LHFPL3: variants seen among roughly 807,000 people sequenced by gnomAD.
LHFPL3 encodes LHFPL tetraspan subfamily member 3, also known as LHFPL tetraspan subfamily member 3 protein.
LHFPL3 carries 5 observed loss-of-function variants against 19.3 expected under a neutral mutation model. That is an observed-to-expected ratio of 0.26 (90% CI 0.14 to 0.54). The LOEUF (loss-of-function observed/expected upper bound fraction) is 0.54. LHFPL3 is among the 20% of genes least tolerant of loss of function. The probability of loss-of-function intolerance (pLI) is 0.94; values close to 1 mark genes in which losing one functional copy is unlikely to be tolerated. For synonymous variants in LHFPL3, 133 were observed against 126.2 expected (o/e 1.05, Z -0.36); for missense variants, 249 against 307.4 (o/e 0.81, Z 1.42).
At chr7:104,752,865 T>C (rs1278266615) in intron 2 of LHFPL3, 1 of 363,624 alleles carries the variant, frequency 2.8e-6, no homozygotes, top group Non-Finnish European at 4.9e-6. Context: ...TAAAGAGAGT[T>C]CCCACATACT....
At chr7:104,537,362 A>T (rs1274957428) in intron 1 of LHFPL3, among the ~76,000 whole-genome samples, 3 of 152,246 alleles carry the variant, frequency 2.0e-5, no homozygotes, top group Non-Finnish European at 4.4e-5. Context: ...TGAGATTATC[A>T]GTAGAATATT....
At chr7:104,657,984 C>A (rs1479853485) in intron 1 of LHFPL3, among the ~76,000 whole-genome samples, 1 of 147,248 alleles carries the variant, frequency 6.8e-6, no homozygotes, top group East Asian at 2.0e-4. Flanking sequence ...GATACCAGCA[C>A]AATTATTTTC....
intron 1 of LHFPL3, among the ~76,000 whole-genome samples, chr7:104,337,184 A>G (rs1026787082): frequency 1.3e-5 from 2 of 151,830 alleles, no homozygotes; most frequent in Admixed American, 6.6e-5. Context: ...AAAACAAACA[A>G]ACAACAACAA....
chr7:104,776,666 C>G (rs977871978), intron 2 of LHFPL3, among the ~76,000 whole-genome samples: 1 of 152,190 alleles, frequency 6.6e-6, no homozygotes, highest in Non-Finnish European at 1.5e-5. Flanking sequence ...TTTAAACAAA[C>G]AAGAAGGTGC....
chr7:104,355,335 A>G (rs572560468), intron 1 of LHFPL3, among the ~76,000 whole-genome samples: 11 of 152,148 alleles, frequency 7.2e-5, no homozygotes, highest in Non-Finnish European at 1.0e-4. Context: ...GGTTGTATGC[A>G]TTTCAGATCG....
chr7:104,489,106 G>A (rs1793291309), intron 1 of LHFPL3, among the ~76,000 whole-genome samples: 3 of 33,576 alleles, frequency 8.9e-5, no homozygotes, highest in Admixed American at 7.2e-4. Context: ...TTTTTGAGAC[G>A]GAGTCTCGCT....
chr7:104,409,067 G>T (rs1388888137), intron 1 of LHFPL3, among the ~76,000 whole-genome samples: 2 of 148,946 alleles, frequency 1.3e-5, no homozygotes, highest in African/African-American at 4.9e-5. Flanking sequence ...TAGTAGAGAC[G>T]GGGTTTCACC....
chr7:104,506,224 A>T (rs780289832), intron 1 of LHFPL3, among the ~76,000 whole-genome samples: 3 of 152,128 alleles, frequency 2.0e-5, no homozygotes, highest in African/African-American at 7.2e-5. Flanking sequence ...AACTGATTTT[A>T]TAAGGAAATC....
At chr7:104,868,153 C>G (rs1010868142) in intron 2 of LHFPL3, among the ~76,000 whole-genome samples, 1 of 152,166 alleles carries the variant, frequency 6.6e-6, no homozygotes, top group African/African-American at 2.4e-5. Flanking sequence ...GAAGCATTCC[C>G]TTTGAAAACT....
intron 1 of LHFPL3, among the ~76,000 whole-genome samples, chr7:104,715,969 C>T (rs1562971633): frequency 6.6e-6 from 1 of 152,088 alleles, no homozygotes; most frequent in Non-Finnish European, 1.5e-5. Flanking sequence ...AAGGATTAGG[C>T]ATTAATTATT....
At chr7:104,530,031 G>T (rs1794265793) in intron 1 of LHFPL3, among the ~76,000 whole-genome samples, 1 of 152,142 alleles carries the variant, frequency 6.6e-6, no homozygotes, top group Non-Finnish European at 1.5e-5. Flanking sequence ...GGGCTATGTT[G>T]TATTTTTATC....
At chr7:104,673,118 C>T (rs1792518380) in intron 1 of LHFPL3, among the ~76,000 whole-genome samples, 1 of 152,204 alleles carries the variant, frequency 6.6e-6, no homozygotes, top group African/African-American at 2.4e-5. Flanking sequence ...GGGTTACAGC[C>T]TCCTCCTTCA....
chr7:104,440,540 G>A (rs149993175), intron 1 of LHFPL3, among the ~76,000 whole-genome samples: 8 of 152,016 alleles, frequency 5.3e-5, no homozygotes. Context: ...TTGTGCACAT[G>A]TACCCTAGAA....
intron 1 of LHFPL3, among the ~76,000 whole-genome samples, chr7:104,592,590 C>A (rs1004998427): frequency 1.3e-5 from 2 of 152,148 alleles, no homozygotes; most frequent in East Asian, 3.9e-4. Flanking sequence ...GTTCTCAGAT[C>A]TCAAACTCTG....
chr7:104,640,662 C>T lies in LHFPL3; in HGVS notation c.446-96013C>T, dbSNP rs541657039. Among the ~76,000 whole-genome samples, 7 of 152,232 alleles carry T rather than the reference C, an allele frequency of 4.6e-5. No individual in the cohort carries two copies. In the South Asian group the frequency reaches 1.4e-3, roughly 32 times the overall value. On this transcript the variant is annotated intron_variant, in intron 1 of 2. Transcript: ENST00000424859. ...AATCCTTGCCAGCATCTGTTGTTTC[C>T]AGACTTTTTAATGATCGCCGTTCTA...
intron 1 of LHFPL3, among the ~76,000 whole-genome samples, chr7:104,398,678 A>G (rs1028341213): frequency 2.0e-5 from 3 of 152,174 alleles, no homozygotes; most frequent in Non-Finnish European, 4.4e-5. Context: ...TCCAGCCATT[A>G]GCAAGAAGTT....
intron 2 of LHFPL3, among the ~76,000 whole-genome samples, chr7:104,792,977 C>A (rs1203939030): frequency 6.6e-6 from 1 of 152,158 alleles, no homozygotes; most frequent in Non-Finnish European, 1.5e-5. Flanking sequence ...CTCACTGCAA[C>A]CTCTACCTCC....
chr7:104,748,836 G>A (rs907920558), intron 2 of LHFPL3, among the ~76,000 whole-genome samples: 11 of 152,082 alleles, frequency 7.2e-5, no homozygotes, highest in Non-Finnish European at 1.0e-4. Flanking sequence ...TAAGTCTCTC[G>A]TTCTACCTTA....
At chr7:104,577,871 T>G (rs1790370379) in intron 1 of LHFPL3, among the ~76,000 whole-genome samples, 1 of 152,200 alleles carries the variant, frequency 6.6e-6, no homozygotes. Flanking sequence ...AATAAGTGCT[T>G]AAAGCATCTC....
Sources: gnomAD v4.1 joint callset for allele counts (sites outside exome capture counted in the v4.1 genomes callset) on GRCh38, gnomAD v4.1.1 for gene constraint, MANE v1.5 for transcripts, NCBI Gene and HGNC (gene_info 2026-07-23, HGNC 2026-07-21) for gene names.